THTPA: variants seen among roughly 807,000 people sequenced by gnomAD.
THTPA encodes the protein thiamine triphosphatase, also known as thiamine-triphosphatase.
THTPA carries 16 observed loss-of-function variants against 16.5 expected under a neutral mutation model. The ratio of observed to expected loss-of-function variants is 0.97; its 90% confidence interval spans 0.66 to 1.47. The LOEUF is 1.47. Ranked by LOEUF, THTPA falls within the 40% of genes most tolerant of loss-of-function variation. THTPA has a pLI of 0.00. For synonymous variants in THTPA, 110 were observed against 115.5 expected (o/e 0.95, Z 0.30); for missense variants, 281 against 280.9 (o/e 1.00, Z 0.00).
intron 1 of THTPA, 121 bp from the exon 2 acceptor site, chr14:23,558,574 C>T: frequency 7.7e-7 from 1 of 1,305,108 alleles, no homozygotes; most frequent in Non-Finnish European, 1.1e-6. Context: ...GGGTGGGTGA[C>T]ATTCAGAACC....
Position 23,559,599 on chromosome 14 carries a change from T to G in THTPA, c.*759T>G, listed in dbSNP as rs1595228797. The G allele has an allele frequency of 4.5e-6, 3 of 665,870 alleles. No homozygotes were observed. In the East Asian group the frequency reaches 8.2e-5, roughly 18 times the overall value. The allele number at this position is 665,870 out of a possible 1,614,324, so 41.2% of individuals were successfully genotyped here. On this transcript the variant is annotated 3_prime_UTR_variant, in exon 2 of 2. Transcript: ENST00000288014. Reference sequence around the variant, plus strand: ...CCTCACTTCTCAGGCTTTATTGGGCTTTATTTGTGGGAGAAGGGGGCTGGT... The same window carrying G: ...CCTCACTTCTCAGGCTTTATTGGGCGTTATTTGTGGGAGAAGGGGGCTGGT...
chr14:23,531,408 C>T, the THTPA span: 69 of 1,337,466 alleles, frequency 5.2e-5, no homozygotes, highest in Middle Eastern at 2.0e-4. Context: ...TCTCTAACTC[C>T]GCAGCCCCCC....
chr14:23,534,416 T>A, the THTPA span: 676 of 1,536,794 alleles, frequency 4.4e-4, 4 homozygotes, highest in African/African-American at 8.2e-3. This position sits in a 1 kb window ranked among gnomAD's most constrained non-coding sequence, Gnocchi z 4.5. Flanking sequence ...TCAAGGGGTA[T>A]GTCAGAAGAG....
At chr14:23,545,218 G>A in the THTPA span, among the ~76,000 whole-genome samples, 9 of 152,048 alleles carry the variant, frequency 5.9e-5, no homozygotes, top group Non-Finnish European at 1.5e-5. Context: ...CATTATCGTC[G>A]TTAATTTGCC....
the THTPA span, chr14:23,530,418 TAA>T: frequency 1.4e-5 from 10 of 690,290 alleles, no homozygotes; most frequent in Admixed American, 1.0e-4. Flanking sequence ...ATCATTTTAT[TAA>T]GAGTCCAGTT....
chr14:23,525,538 T>A, the THTPA span: 3 of 1,531,886 alleles, frequency 2.0e-6, no homozygotes, highest in Non-Finnish European at 2.6e-6. This position sits in a 1 kb window ranked among gnomAD's most constrained non-coding sequence, Gnocchi z 5.9. Context: ...CAGGTGGGGG[T>A]GGGGTAGGGG....
the THTPA span, among the ~76,000 whole-genome samples, chr14:23,541,859 AAAAC>A: frequency 6.8e-4 from 103 of 152,376 alleles, 2 homozygotes; most frequent in East Asian, 0.015. Flanking sequence ...ATTTAAAAAG[AAAAC>A]AAACAGTACT....
At chr14:23,523,413 C>T in the THTPA span, 23 of 1,528,540 alleles carry the variant, frequency 1.5e-5, no homozygotes, top group Non-Finnish European at 1.9e-5. This position sits in a 1 kb window ranked among gnomAD's most constrained non-coding sequence, Gnocchi z 4.1. Context: ...GCTCGAACCG[C>T]CTCCTTGAGC....
At chr14:23,544,733 G>T in the THTPA span, among the ~76,000 whole-genome samples, 2 of 152,170 alleles carry the variant, frequency 1.3e-5, no homozygotes, top group African/African-American at 4.8e-5. Context: ...CTCTAATGGC[G>T]CTAACCTCAT....
chr14:23,543,727 T>C, the THTPA span: 12 of 152,082 alleles, frequency 7.9e-5, no homozygotes, highest in Non-Finnish European at 1.5e-4. Flanking sequence ...GAATGATATG[T>C]GTACCCATTT....
At chr14:23,531,552 G>A in the THTPA span, 1 of 1,522,550 alleles carries the variant, frequency 6.6e-7, no homozygotes, top group South Asian at 1.2e-5. Flanking sequence ...CTCAGTGGTT[G>A]GGCCATTCTG....
At chr14:23,527,160 C>T in the THTPA span, among the ~76,000 whole-genome samples, 1 of 152,286 alleles carries the variant, frequency 6.6e-6, no homozygotes. Context: ...GCTGCTACCT[C>T]TCCTATCTGG....
At chr14:23,549,507 C>T in the THTPA span, among the ~76,000 whole-genome samples, 15 of 152,040 alleles carry the variant, frequency 9.9e-5, no homozygotes, top group Non-Finnish European at 1.6e-4. Flanking sequence ...TCCTTACATA[C>T]GATAGCTTTT....
chr14:23,535,037 C>T, the THTPA span: 1 of 1,536,094 alleles, frequency 6.5e-7, no homozygotes, highest in Non-Finnish European at 8.7e-7. The surrounding 1 kb of genome is among the most constrained non-coding windows in gnomAD (Gnocchi z 4.5). Context: ...TCCTCCTGCT[C>T]CTTGTCCTTT....
At chr14:23,527,002 A>C in the THTPA span, 1 of 1,477,696 alleles carries the variant, frequency 6.8e-7, no homozygotes. Flanking sequence ...TAGTGGCTTC[A>C]CCACCACCCC....
chr14:23,545,599 C>G, the THTPA span, among the ~76,000 whole-genome samples: 22 of 152,334 alleles, frequency 1.4e-4, no homozygotes, highest in East Asian at 3.9e-3. Context: ...TCTCTAATTT[C>G]AAGTGCACTT....
chr14:23,522,866 C>T, the THTPA span: 1 of 1,519,504 alleles, frequency 6.6e-7, no homozygotes. Flanking sequence ...GCGGCCTGGG[C>T]CAGCAGTCTG....
the THTPA span, chr14:23,523,391 CTCT>C: frequency 1.1e-5 from 17 of 1,505,756 alleles, no homozygotes; most frequent in Admixed American, 3.1e-4. The surrounding 1 kb of genome is among the most constrained non-coding windows in gnomAD (Gnocchi z 4.1). Flanking sequence ...CTTGCTTTCA[CTCT>C]TCAGCTGGGC....
chr14:23,530,204 A>G, the THTPA span: 2 of 1,523,900 alleles, frequency 1.3e-6, no homozygotes, highest in Non-Finnish European at 1.8e-6. Flanking sequence ...CCTGTGTAGG[A>G]TGGGGGGAGA....
Sources: allele counts gnomAD v4.1 joint callset (sites outside exome capture counted in the v4.1 genomes callset), GRCh38; gene constraint gnomAD v4.1.1; non-coding constraint Gnocchi (gnomAD v3.1); transcripts MANE v1.5; gene names NCBI Gene and HGNC (gene_info 2026-07-23, HGNC 2026-07-21).